The following PRTG variants were observed in gnomAD, a reference collection of about 807,000 sequenced individuals.
The protein encoded by PRTG is protogenin.
Under a neutral mutation model 122.5 loss-of-function variants are expected in PRTG, and 67 were observed. That is an observed-to-expected ratio of 0.55 (90% confidence interval 0.45 to 0.67). The LOEUF (loss-of-function observed/expected upper bound fraction) is 0.67, where lower values mean the gene tolerates loss of function less well. Among genes scored for constraint, PRTG ranks in the 30% least tolerant of loss-of-function variants. PRTG has a pLI of 0.00. For missense variants in PRTG, 1,435 were observed against 1,415.4 expected (o/e 1.01, Z -0.22); for synonymous variants, 554 against 501.1 (o/e 1.11, Z -1.41).
chr15:55,742,266 G>A (rs2031632022), intron 1 of PRTG: 1 of 152,354 alleles, frequency 6.6e-6, no homozygotes, highest in Admixed American at 6.6e-5. Flanking sequence ...ATCTCCTCCT[G>A]GCTGGATCCA....
At chr15:55,711,462 T>C (rs1312956483) in intron 2 of PRTG, among the ~76,000 whole-genome samples, 1 of 152,186 alleles carries the variant, frequency 6.6e-6, no homozygotes, top group Non-Finnish European at 1.5e-5. Flanking sequence ...TGGGCAGACC[T>C]TGACCTTGCC....
chr15:55,674,288 C>G (rs540917715), intron 9 of PRTG, among the ~76,000 whole-genome samples: 1 of 152,128 alleles, frequency 6.6e-6, no homozygotes, highest in Non-Finnish European at 1.5e-5. Context: ...CTACCATGTA[C>G]GACTCTGTGA....
chr15:55,627,421 T>A (rs2059201398), intron 16 of PRTG, among the ~76,000 whole-genome samples: 3 of 150,680 alleles, frequency 2.0e-5, no homozygotes, highest in African/African-American at 2.4e-5. Context: ...ACTCCCGGGT[T>A]CCTGCCATTC....
intron 11 of PRTG, chr15:55,655,466 T>C (rs1409731922): frequency 6.6e-6 from 1 of 152,226 alleles, no homozygotes; most frequent in African/African-American, 2.4e-5. Context: ...TGAAATATAT[T>C]ATTATAAATA....
intron 2 of PRTG, among the ~76,000 whole-genome samples, chr15:55,703,414 G>A (rs888882504): frequency 2.2e-4 from 33 of 152,090 alleles, no homozygotes; most frequent in African/African-American, 7.7e-4. Context: ...CCACCCTAAC[G>A]AGATCAGAAG....
chr15:55,632,474 C>G (rs1163387580), intron 15 of PRTG, among the ~76,000 whole-genome samples: 2 of 152,196 alleles, frequency 1.3e-5, no homozygotes, highest in Non-Finnish European at 2.9e-5. Context: ...AATCAAAGGT[C>G]TCCAATACCT....
At position 55,616,625 on chromosome 15, in the gene PRTG, C is replaced by T. The variant is rs994034150; in HGVS notation, c.*3387G>A. 2.6e-5 allele frequency: 4 copies of T among 152,086 alleles called. No homozygotes were observed. Among genetic ancestry groups the T allele is most frequent in the Non-Finnish European group, 5.9e-5 (4 of 67,990 alleles). The allele number at this position is 152,086 out of a possible 1,614,324, so 9.4% of individuals were successfully genotyped here. ...GTATACAGACTGTGTTCCGAAGAGA[C>T]ATGTTTGGTTTAACATAAAAACAAG... is the stretch of plus-strand genomic sequence containing the variant. On this transcript the variant is annotated 3_prime_UTR_variant, in exon 20 of 20. Transcript: ENST00000389286.
At chr15:55,641,533 T>A (rs1006319059) in intron 11 of PRTG, among the ~76,000 whole-genome samples, 4 of 152,218 alleles carry the variant, frequency 2.6e-5, no homozygotes, top group African/African-American at 7.2e-5. Flanking sequence ...AGCCTTCAGT[T>A]TGCTTGATGG....
chr15:55,698,849 A>T (rs1234708003), intron 2 of PRTG, among the ~76,000 whole-genome samples: 4 of 151,156 alleles, frequency 2.6e-5, no homozygotes, highest in Non-Finnish European at 5.9e-5. Context: ...GGAGCAGTAC[A>T]GAGAGGGATG....
At chr15:55,660,411 A>G (rs969067982) in intron 11 of PRTG, among the ~76,000 whole-genome samples, 14 of 152,210 alleles carry the variant, frequency 9.2e-5, no homozygotes, top group Non-Finnish European at 1.3e-4. Flanking sequence ...AGGACCTCAC[A>G]CATCTAAAGA....
At chr15:55,678,669 A>T (rs1209915998) in intron 7 of PRTG, among the ~76,000 whole-genome samples, 1 of 152,240 alleles carries the variant, frequency 6.6e-6, no homozygotes, top group Non-Finnish European at 1.5e-5. Context: ...GTCTGCATTA[A>T]TATTTGTGAT....
chr15:55,662,649 T>C (rs971396320), intron 11 of PRTG, among the ~76,000 whole-genome samples: 6 of 152,208 alleles, frequency 3.9e-5, no homozygotes, highest in Admixed American at 3.9e-4. Flanking sequence ...TGAAAGTCTT[T>C]GAAGATTTTT....
intron 2 of PRTG, among the ~76,000 whole-genome samples, chr15:55,691,486 T>A (rs183208345): frequency 6.6e-6 from 1 of 151,264 alleles, no homozygotes. Context: ...ATCAAAACCA[T>A]CCTGACCAAC....
chr15:55,637,443 C>A (rs1435362960), intron 14 of PRTG, 103 bp from the exon 15 acceptor site: 4 of 896,050 alleles, frequency 4.5e-6, no homozygotes, highest in Non-Finnish European at 6.3e-6. Flanking sequence ...AAATTAGAAA[C>A]CTCCATAAGA....
At chr15:55,696,546 T>C (rs2059633150) in intron 2 of PRTG, among the ~76,000 whole-genome samples, 1 of 152,138 alleles carries the variant, frequency 6.6e-6, no homozygotes, top group Non-Finnish European at 1.5e-5. Context: ...ATGCTATCAA[T>C]AGGTGAAAGT....
chr15:55,612,956 A>G lies in PRTG; in HGVS notation c.*7056T>C, dbSNP rs2059127422. The G allele has an allele frequency of 6.6e-6, 1 of 151,918 alleles. No homozygotes were observed. The highest frequency in any genetic ancestry group is 2.4e-5 in the African/African-American group (1 of 41,356). The allele number at this position is 151,918 out of a possible 1,614,324, so 9.4% of individuals were successfully genotyped here. ...TCAACAAAGGCAAAATATAATTGCAAAGGCTGACTTGAAAAGAAAGAGTCT... is the reference window on the plus strand; with the variant it reads ...TCAACAAAGGCAAAATATAATTGCAGAGGCTGACTTGAAAAGAAAGAGTCT... On this transcript the variant is annotated 3_prime_UTR_variant, in exon 20 of 20. Coordinates refer to ENST00000389286, the MANE Select transcript of PRTG (RefSeq NM_173814.6).
At chr15:55,715,402 T>C (rs144600072) in intron 2 of PRTG, among the ~76,000 whole-genome samples, 720 of 152,334 alleles carry the variant, frequency 4.7e-3, no homozygotes, top group African/African-American at 0.016. Context: ...ACAGAGGTAT[T>C]AGACTATTAG....
intron 11 of PRTG, among the ~76,000 whole-genome samples, chr15:55,641,612 T>C (rs1239892836): frequency 1.3e-5 from 2 of 152,212 alleles, no homozygotes; most frequent in African/African-American, 4.8e-5. Flanking sequence ...GGCCGTTTAC[T>C]TCAAAGTATG....
intron 2 of PRTG, among the ~76,000 whole-genome samples, chr15:55,733,001 A>G (rs1382911390): frequency 6.6e-6 from 1 of 151,908 alleles, no homozygotes; most frequent in African/African-American, 2.4e-5. Context: ...CACGAGGTCA[A>G]GAGATCGAGA....
Sources: allele counts gnomAD v4.1 joint callset (sites outside exome capture counted in the v4.1 genomes callset), GRCh38; gene constraint gnomAD v4.1.1; transcripts MANE v1.5; gene names NCBI Gene and HGNC (gene_info 2026-07-23, HGNC 2026-07-21).